POLDIP2: variants seen among roughly 807,000 people sequenced by gnomAD.
The protein encoded by POLDIP2 is polymerase delta-interacting protein 2.
A neutral mutation model predicts 52.9 loss-of-function variants in POLDIP2; 32 were observed. The ratio of observed to expected loss-of-function variants is 0.61; its 90% CI spans 0.46 to 0.81. The LOEUF is 0.81. Ranked by LOEUF, POLDIP2 falls within the 40% of genes least tolerant of loss-of-function variation. The probability of loss-of-function intolerance (pLI) is 0.00; values close to 1 mark genes in which losing one functional copy is unlikely to be tolerated. For missense variants in POLDIP2, 371 were observed against 477.3 expected (o/e 0.78, Z 2.07); for synonymous variants, 183 against 183.0 (o/e 1.00, Z 0.00).
intron 8 of POLDIP2, 90 bp downstream of exon 8, chr17:28,350,676 C>G: frequency 6.4e-7 from 1 of 1,553,002 alleles, no homozygotes; most frequent in South Asian, 1.1e-5. Context: ...GCACAGGTTC[C>G]GCTCTCGTCA....
Position 28,352,863 on chromosome 17 carries a change from T to G in POLDIP2, c.622+49A>C, listed in dbSNP as rs782677674. On this transcript the variant is annotated intron_variant, in intron 6 of 10. Coordinates refer to ENST00000540200, the MANE Select transcript of POLDIP2 (RefSeq NM_015584.5). Reference sequence around the variant, plus strand: ...CCTGGAATTATTTCTATGATATTCTTTGATGAAAAGGCCCTCCCATTCCAC... The same window carrying G: ...CCTGGAATTATTTCTATGATATTCTGTGATGAAAAGGCCCTCCCATTCCAC... 11 of 1,145,062 alleles carry G rather than the reference T, an allele frequency of 9.6e-6. No individual in the cohort carries two copies. In the African/African-American group the frequency reaches 1.5e-4, roughly 16 times the overall value. 70.9% of individuals were successfully genotyped at this position (1,145,062 alleles called of 1,614,324 possible). A position where few individuals can be genotyped will look rare whatever the true frequency, so the allele number is the denominator to read the frequency against.
chr17:28,353,328 A>G lies in POLDIP2; in HGVS notation c.439-12T>C. 6.8e-7 allele frequency: 1 copy of G among 1,470,760 alleles called. No individual in the cohort carries two copies. Among genetic ancestry groups the G allele is most frequent in the East Asian group, 2.3e-5 (1 of 43,908 alleles). The allele number at this position is 1,470,760 out of a possible 1,614,324, so 91.1% of individuals were successfully genotyped here. ...TGAGATCTCTGAGACTAAGGCAAGA[A>G]GTGAATCAGTGGTGAAACCATGTCT... On this transcript the variant is annotated splice_polypyrimidine_tract_variant and intron_variant, in intron 4 of 10. Transcript: ENST00000540200.
Position 28,353,283 on chromosome 17 carries a change from A to C in POLDIP2, c.472T>G (p.Leu158Val), listed in dbSNP as rs1555580358. 1 of 1,597,826 alleles carries C rather than the reference A, an allele frequency of 6.3e-7. No individual in the cohort carries two copies. Among genetic ancestry groups the C allele is most frequent in the Non-Finnish European group, 8.6e-7 (1 of 1,167,134 alleles). The change falls in exon 5 of 11, where the codon TTG becomes GTG. Residue 158 changes from leucine to valine, a missense_variant. By Grantham distance (32) the Leu-to-Val change is conservative (BLOSUM62 1). Coordinates refer to ENST00000540200, the MANE Select transcript of POLDIP2 (RefSeq NM_015584.5). ...GCCCGACTGTCATCATGGTTAGCCA[A>C]GAAGGTCACAGCTTCTGTCTGAGAT... ...QRSQTEAVTFLANHDDSRALY... is the reference protein window; with the variant it reads ...QRSQTEAVTFVANHDDSRALY...
In POLDIP2 at chr17:28,350,489, G is replaced by A. The variant is rs1191582946; in HGVS notation, c.861C>T (p.Phe287=). ...CTGTCTCCAAGGTGCCAGAGAGACT[G>A]AATATCCTCCAGTGCCGCTCCCGGA... ...VQLRERHWRI[F]SLSGTLETVR... Residue 287 remains phenylalanine, a synonymous_variant, in exon 9 of 11, where the codon TTC becomes TTT. Transcript: ENST00000540200. The A allele has an allele frequency of 8.1e-6, 13 of 1,613,034 alleles. No individual in the cohort carries two copies. The highest frequency in any genetic ancestry group is 1.1e-5 in the Non-Finnish European group (13 of 1,179,528).
At chr17:28,350,823 C>A in intron 7 of POLDIP2, 31 bp from the exon 8 acceptor site, 1 of 1,559,400 alleles carries the variant, frequency 6.4e-7, no homozygotes, top group East Asian at 2.4e-5. Context: ...ATTTAAGTCC[C>A]ACAGGGCAAG....
intron 1 of POLDIP2, among the ~76,000 whole-genome samples, chr17:28,356,837 A>C (rs564832703): frequency 1.3e-5 from 2 of 152,280 alleles, no homozygotes; most frequent in East Asian, 3.9e-4. Context: ...CACAGATAGA[A>C]AATCGATCTC....
At position 28,347,035 on chromosome 17, in the gene POLDIP2, G is replaced by A. The variant is rs2142390660; in HGVS notation, c.*1082C>T. On this transcript the variant is annotated 3_prime_UTR_variant, in exon 11 of 11. Coordinates refer to ENST00000540200, the MANE Select transcript of POLDIP2 (RefSeq NM_015584.5). ...TGGTACAGAGCCATGTTTACAGTGA[G>A]CAGGCCTTGACCAGCTTGCGGCCAT... 1 of 152,326 alleles carries A rather than the reference G, an allele frequency of 6.6e-6. No individual in the cohort carries two copies. The highest frequency in any genetic ancestry group is 1.5e-5 in the Non-Finnish European group (1 of 68,028). The allele number at this position is 152,326 out of a possible 1,614,324, so 9.4% of individuals were successfully genotyped here.
At chr17:28,354,231 A>G (rs185419090) in intron 3 of POLDIP2, among the ~76,000 whole-genome samples, 1 of 152,266 alleles carries the variant, frequency 6.6e-6, no homozygotes, top group Non-Finnish European at 1.5e-5. Flanking sequence ...TTGTCCCCCA[A>G]ATGCCCTCTG....
rs1234104110 is a variant in POLDIP2, at chr17:28,357,453, C to G, written c.-5G>C. On this transcript the variant is annotated 5_prime_UTR_variant, in exon 1 of 11. Coordinates refer to ENST00000540200, the MANE Select transcript of POLDIP2 (RefSeq NM_015584.5). ...CCGGGCTGTACAGGCTGCCATGTCC[C>G]GCCCGAGCGCCCGCCCGGCTGCTGA... is the stretch of plus-strand genomic sequence containing the variant. 8 of 1,433,978 alleles carry G rather than the reference C, an allele frequency of 5.6e-6. No individual in the cohort carries two copies. Among genetic ancestry groups the G allele is most frequent in the African/African-American group, 3.0e-5 (2 of 66,530 alleles). The allele number at this position is 1,433,978 out of a possible 1,614,324, so 88.8% of individuals were successfully genotyped here. A position where few individuals can be genotyped will look rare whatever the true frequency, so the allele number is the denominator to read the frequency against.
At chr17:28,350,599 T>TA in intron 8 of POLDIP2, 36 bp from the exon 9 acceptor site, 1 of 1,599,958 alleles carries the variant, frequency 6.3e-7, no homozygotes, top group South Asian at 1.1e-5. Flanking sequence ...TTAAAAAAAA[T>TA]AAAATTTGGG....
At position 28,356,775 on chromosome 17, in the gene POLDIP2, G is replaced by A. The variant is rs1300860492; in HGVS notation, c.161+513C>T. Among the ~76,000 whole-genome samples, 6 of 152,024 alleles carry A rather than the reference G, an allele frequency of 3.9e-5. No homozygotes were observed. The East Asian group carries it at 5.8e-4, about 15-fold the overall frequency. ...CCCATTTGATCCGCCTGTCCCATCC[G>A]TGGAAACAGTTTCCACACCATCCCC... On this transcript the variant is annotated intron_variant, in intron 1 of 10. Transcript: ENST00000540200.
rs782803553 is a variant in POLDIP2, at chr17:28,348,167, G to A, written c.1057C>T (p.Leu353=). The part of the protein sequence containing the change: ...HFDVRIPPFS[L]ESNKDEKTPP... ...GTCTTCTCATCTTTATTGCTTTCCA[G>A]GGAGAAGGGAGGAATCCGAACATCA... The change falls in exon 11 of 11, where the codon CTG becomes TTG. Residue 353 remains leucine (L), a synonymous_variant. Coordinates refer to ENST00000540200, the MANE Select transcript of POLDIP2 (RefSeq NM_015584.5). 12 of 1,613,756 alleles carry A rather than the reference G, an allele frequency of 7.4e-6. No individual in the cohort carries two copies. In the Middle Eastern group the frequency reaches 9.9e-4, roughly 133 times the overall value.
chr17:28,353,673 C>G, intron 4 of POLDIP2, 22 bp downstream of exon 4: 1 of 1,543,300 alleles, frequency 6.5e-7, no homozygotes, highest in Non-Finnish European at 9.0e-7. Flanking sequence ...GACCCCCAAG[C>G]CCAGCCATCT....
In POLDIP2 at chr17:28,351,102, C is replaced by T. The variant is rs116668595; in HGVS notation, c.760-310G>A. ...CTCCTCACCAGCCCTGCCCCCTATC[C>T]TTGCTGCCCTGAGCCCCTGTCCTCC... is the stretch of plus-strand genomic sequence containing the variant. On this transcript the variant is annotated intron_variant, in intron 7 of 10. Coordinates refer to ENST00000540200, the MANE Select transcript of POLDIP2 (RefSeq NM_015584.5). Among the ~76,000 whole-genome samples the T allele has an allele frequency of 8.4e-3, 1,279 of 152,262 alleles. 13 individuals carry two copies. Among genetic ancestry groups the T allele is most frequent in the African/African-American group, 0.029 (1,220 of 41,528 alleles).
In POLDIP2 at chr17:28,353,780, G is replaced by A; in HGVS notation, c.353C>T (p.Pro118Leu). ...ASAAPEKAEN[P>L]AGHGSKEVKG... The stretch of plus-strand genomic sequence containing the variant: ...CACCTCCTTGGAGCCATGGCCAGCA[G>A]GGTTCTCTGCTCTATGGGGTGGGAG... Residue 118 changes from proline to leucine, a missense_variant, in exon 4 of 11, where the codon CCT becomes CTT. Pro to Leu is a moderately conservative substitution (Grantham distance 98). Coordinates refer to ENST00000540200, the MANE Select transcript of POLDIP2 (RefSeq NM_015584.5). The A allele has an allele frequency of 6.2e-7, 1 of 1,612,420 alleles. No homozygotes were observed. The highest frequency in any genetic ancestry group is 1.1e-5 in the South Asian group (1 of 91,046).
chr17:28,352,396 C>G (rs1433788750), intron 6 of POLDIP2, among the ~76,000 whole-genome samples: 1 of 151,740 alleles, frequency 6.6e-6, no homozygotes, highest in Non-Finnish European at 1.5e-5. Flanking sequence ...CGCCACCACA[C>G]CCAGCTAATT....
chr17:28,350,248 A>G (rs1597799379), intron 9 of POLDIP2, among the ~76,000 whole-genome samples, 190 bp downstream of exon 9: 1 of 152,176 alleles, frequency 6.6e-6, no homozygotes, highest in East Asian at 1.9e-4. Flanking sequence ...TCTCAGTCTC[A>G]CTCTTTTCAT....
intron 6 of POLDIP2, among the ~76,000 whole-genome samples, chr17:28,352,610 T>G (rs556871128): frequency 2.0e-5 from 3 of 146,760 alleles, no homozygotes; most frequent in Admixed American, 7.0e-5. Context: ...CAATCTCGGC[T>G]CACTGCAACC....
rs1460239138 is a variant in POLDIP2 at position 28,354,655 on chromosome 17, A to G, written c.244-70T>C. On this transcript the variant is annotated intron_variant, in intron 2 of 10. Coordinates refer to ENST00000540200, the MANE Select transcript of POLDIP2 (RefSeq NM_015584.5). ...CCATCCAGGTGGGCCCCAGACCACA[A>G]AGCAACACAGGTGGAGGCAACTCCA... The G allele has an allele frequency of 5.9e-6, 6 of 1,018,026 alleles. No individual in the cohort carries two copies. In the African/African-American group the frequency reaches 9.6e-5, roughly 16 times the overall value. The allele number at this position is 1,018,026 out of a possible 1,614,324, so 63.1% of individuals were successfully genotyped here. A position where few individuals can be genotyped will look rare whatever the true frequency, so the allele number is the denominator to read the frequency against.
Sources: allele counts gnomAD v4.1 joint callset (sites outside exome capture counted in the v4.1 genomes callset), GRCh38; gene constraint gnomAD v4.1.1; transcripts MANE v1.5; gene names NCBI Gene and HGNC (gene_info 2026-07-23, HGNC 2026-07-21).